Variants in MRPL30 observed in about 807,000 individuals in gnomAD.
MRPL30 encodes large ribosomal subunit protein uL30m.
In MRPL30, 10 loss-of-function variants were observed where a neutral mutation model predicts 17.2. That is an observed-to-expected ratio of 0.58 (90% CI 0.36 to 0.99). The LOEUF is 0.99. Ranked by LOEUF, MRPL30 falls within the 50% of genes least tolerant of loss-of-function variation. The pLI, the probability that MRPL30 is intolerant of heterozygous loss-of-function variation, is 0.01. For missense variants in MRPL30, 170 were observed against 189.8 expected, an observed-to-expected ratio of 0.90 and a Z score of 0.61; for synonymous variants, 61 against 62.1, an observed-to-expected ratio of 0.98 and a Z score of 0.08.
chr2:99,192,069 G>C (rs954180446), intron 3 of MRPL30, among the ~76,000 whole-genome samples: 1 of 151,994 alleles, frequency 6.6e-6, no homozygotes, highest in Admixed American at 6.6e-5. Flanking sequence ...CCCACCCCGA[G>C]ATAACTGCTG....
chr2:99,188,211 C>T lies in MRPL30; in HGVS notation c.86C>T (p.Thr29Ile), dbSNP rs771623578. The part of the protein sequence containing the change: ...VTKGVESLIC[T>I]DWIRHKFTRS... ...AAAGGTGTGGAGTCTCTTATTTGTA[C>T]AGATTGGATTCGTCACAAATTCACC... is the stretch of plus-strand genomic sequence containing the variant. Residue 29 changes from threonine to isoleucine, a missense_variant, in exon 3 of 6, where the codon ACA becomes ATA. Transcript: ENST00000338148. The T allele has an allele frequency of 1.9e-6, 3 of 1,606,680 alleles. No individual in the cohort carries two copies. The highest frequency in any genetic ancestry group is 4.5e-5 in the East Asian group (2 of 44,750).
At position 99,199,508 on chromosome 2, in the gene MRPL30, A is replaced by G. The variant is rs1398813120; in HGVS notation, c.*3803A>G. On this transcript the variant is annotated 3_prime_UTR_variant, in exon 6 of 6. Transcript: ENST00000338148. ...TTATTTTTTGCCTCAAAATTATTAA[A>G]TGACATGAAATAAGTGCTCAAGAAG... Among the ~76,000 whole-genome samples, 2 of 152,224 alleles carry G rather than the reference A, an allele frequency of 1.3e-5. No homozygotes were observed. Among genetic ancestry groups the G allele is most frequent in the African/African-American group, 4.8e-5 (2 of 41,464 alleles).
At position 99,195,157 on chromosome 2, in the gene MRPL30, T is replaced by G; in HGVS notation, c.321T>G (p.Asn107Lys). ...PQVHKNIPSV[N>K]AKLKVVKHLI... ...TTCACAAGAATATCCCTTCAGTGAA[T>G]GCAAAATTGAAAGTAGTTAAGCATT... Residue 107 changes from asparagine (N) to lysine (K), a missense_variant, in exon 5 of 6, where the codon AAT becomes AAG. Transcript: ENST00000338148. 1 of 1,607,804 alleles carries G rather than the reference T, an allele frequency of 6.2e-7. No homozygotes were observed. The highest frequency in any genetic ancestry group is 8.5e-7 in the Non-Finnish European group (1 of 1,177,986).
At chr2:99,192,392 G>T (rs1184816641) in intron 3 of MRPL30, among the ~76,000 whole-genome samples, 1 of 152,126 alleles carries the variant, frequency 6.6e-6, no homozygotes, top group African/African-American at 2.4e-5. Flanking sequence ...AGCCCTACAT[G>T]CATTAGGTGT....
intron 3 of MRPL30, among the ~76,000 whole-genome samples, 173 bp from the exon 4 acceptor site, chr2:99,194,578 T>C (rs1185714376): frequency 6.6e-6 from 1 of 152,150 alleles, no homozygotes; most frequent in Non-Finnish European, 1.5e-5. Context: ...ACTCCATCTA[T>C]CTGCATAATC....
chr2:99,185,616 C>A, intron 1 of MRPL30, among the ~76,000 whole-genome samples: 1 of 151,958 alleles, frequency 6.6e-6, no homozygotes, highest in Non-Finnish European at 1.5e-5. Context: ...TTAAAAAGTA[C>A]AAACAAGCAA....
intron 3 of MRPL30, among the ~76,000 whole-genome samples, chr2:99,191,158 C>T (rs916463709): frequency 6.6e-6 from 1 of 152,030 alleles, no homozygotes; most frequent in Non-Finnish European, 1.5e-5. Context: ...AGGCATGTGC[C>T]ACCACACCCA....
rs545345546 is a variant in MRPL30 at position 99,198,238 on chromosome 2, C to T, written c.*2533C>T. The stretch of plus-strand genomic sequence containing the variant: ...TTATTGTCTCACAATGTTTGTGGGT[C>T]GGAAGTCTAGGCGTGGCTTAGCTGG... On this transcript the variant is annotated 3_prime_UTR_variant, in exon 6 of 6. Coordinates refer to ENST00000338148, the MANE Select transcript of MRPL30 (RefSeq NM_145212.4). Among the ~76,000 whole-genome samples the T allele has an allele frequency of 3.3e-5, 5 of 152,258 alleles. No individual in the cohort carries two copies. The highest frequency in any genetic ancestry group is 1.9e-4 in the East Asian group (1 of 5,182).
intron 3 of MRPL30, among the ~76,000 whole-genome samples, chr2:99,193,865 C>T (rs1182577757): frequency 6.6e-6 from 1 of 151,960 alleles, no homozygotes; most frequent in African/African-American, 2.4e-5. Flanking sequence ...GGTGAGACCC[C>T]CATCTCTACC....
intron 3 of MRPL30, among the ~76,000 whole-genome samples, chr2:99,190,513 G>A (rs776527430): frequency 3.3e-4 from 50 of 151,930 alleles, no homozygotes; most frequent in Non-Finnish European, 6.2e-4. Context: ...AGCCATGATC[G>A]GATCAGTGCA....
chr2:99,197,781 C>T lies in MRPL30; in HGVS notation c.*2076C>T, dbSNP rs1043591094. 2.0e-5 allele frequency among the ~76,000 whole-genome samples: 3 copies of T among 152,014 alleles called. No homozygotes were observed. Among genetic ancestry groups the T allele is most frequent in the African/African-American group, 7.2e-5 (3 of 41,404 alleles). ...TCAGCCTCCTGAGCAGCTAGGACTA[C>T]AGATACATGCCACCGCTCCCGGCTA... is the stretch of plus-strand genomic sequence containing the variant. On this transcript the variant is annotated 3_prime_UTR_variant, in exon 6 of 6. Transcript: ENST00000338148.
rs139441511 is a variant in MRPL30 at position 99,192,301 on chromosome 2, T to C, written c.133-2450T>C. 3.3e-3 allele frequency among the ~76,000 whole-genome samples: 495 copies of C among 152,222 alleles called. 2 individuals are homozygous for C. The highest frequency in any genetic ancestry group is 0.011 in the African/African-American group (472 of 41,540). On this transcript the variant is annotated intron_variant, in intron 3 of 5. Transcript: ENST00000338148. ...GTATACATTTTTTTTTAAGTTCCGG[T>C]ATACACGTGCAGATTTGTCACATAG... is the stretch of plus-strand genomic sequence containing the variant.
chr2:99,186,610 C>T (rs1392357361), intron 2 of MRPL30, among the ~76,000 whole-genome samples: 2 of 152,128 alleles, frequency 1.3e-5, no homozygotes, highest in Non-Finnish European at 2.9e-5. Context: ...GTTATTTCAC[C>T]AGTTCCTTTT....
rs1207616110 is a variant in MRPL30 at position 99,198,010 on chromosome 2, T to A, written c.*2305T>A. Among the ~76,000 whole-genome samples the A allele has an allele frequency of 6.6e-6, 1 of 152,114 alleles. No individual in the cohort carries two copies. The highest frequency in any genetic ancestry group is 1.5e-5 in the Non-Finnish European group (1 of 68,032). On this transcript the variant is annotated 3_prime_UTR_variant, in exon 6 of 6. Transcript: ENST00000338148. ...CCATGGTTAATTTTTACTCAAACAG[T>A]AAGAAAGTTTGAGTAACTAATTTTA...
intron 1 of MRPL30, among the ~76,000 whole-genome samples, chr2:99,183,067 GA>G (rs1243441552): frequency 6.6e-6 from 1 of 152,092 alleles, no homozygotes; most frequent in Non-Finnish European, 1.5e-5. Flanking sequence ...CCCAAAAATT[GA>G]AAAAGATAAG....
Position 99,195,464 on chromosome 2 carries a change from C to T in MRPL30, c.354-109C>T, listed in dbSNP as rs983370827. Reference sequence around the variant, plus strand: ...TCATGTTGGGAACATTCAACATCCTCCTCCTAGCTATTTGAAACTATGTGT... The same window carrying T: ...TCATGTTGGGAACATTCAACATCCTTCTCCTAGCTATTTGAAACTATGTGT... On this transcript the variant is annotated intron_variant, in intron 5 of 5. Transcript: ENST00000338148. 1.3e-5 allele frequency: 16 copies of T among 1,269,248 alleles called. No individual in the cohort carries two copies. The African/African-American group carries it at 2.3e-4, about 18-fold the overall frequency. 78.6% of individuals were successfully genotyped at this position (1,269,248 alleles called of 1,614,324 possible). A position where few individuals can be genotyped will look rare whatever the true frequency, so the allele number is the denominator to read the frequency against.
At chr2:99,193,110 G>A (rs1296268989) in intron 3 of MRPL30, among the ~76,000 whole-genome samples, 1 of 151,944 alleles carries the variant, frequency 6.6e-6, no homozygotes, top group Non-Finnish European at 1.5e-5. Context: ...GAATCTACAA[G>A]GAACTTAAAT....
chr2:99,188,100 G>C (rs1400390386), intron 2 of MRPL30, 77 bp from the exon 3 acceptor site: 4 of 1,087,432 alleles, frequency 3.7e-6, no homozygotes, highest in Non-Finnish European at 5.3e-6. Flanking sequence ...ACAGACTTCT[G>C]TTACCTAAAG....
At chr2:99,184,178 C>G (rs2093930340) in intron 1 of MRPL30, among the ~76,000 whole-genome samples, 1 of 152,170 alleles carries the variant, frequency 6.6e-6, no homozygotes, top group Non-Finnish European at 1.5e-5. Flanking sequence ...GTACAGTTGA[C>G]TGCAGTGTCA....
Sources: gnomAD v4.1 joint callset for allele counts (sites outside exome capture counted in the v4.1 genomes callset) on GRCh38, gnomAD v4.1.1 for gene constraint, MANE v1.5 for transcripts, NCBI Gene and HGNC (gene_info 2026-07-23, HGNC 2026-07-21) for gene names.